TAFA1: variants seen among roughly 807,000 people sequenced by gnomAD.
TAFA1 encodes the protein TAFA chemokine like family member 1.
A neutral mutation model predicts 18.5 loss-of-function variants in TAFA1; 4 were observed. That is an observed-to-expected ratio of 0.22 (90% CI 0.11 to 0.49). TAFA1 has a LOEUF of 0.49. Ranked by LOEUF, TAFA1 falls within the 20% of genes least tolerant of loss-of-function variation. TAFA1 has a pLI of 0.98. For synonymous variants in TAFA1, 56 were observed against 55.2 expected (o/e 1.01, Z -0.06); for missense variants, 147 against 169.0 (o/e 0.87, Z 0.72).
At chr3:68,312,644 T>C (rs2068539613) in intron 2 of TAFA1, among the ~76,000 whole-genome samples, 1 of 152,190 alleles carries the variant, frequency 6.6e-6, no homozygotes, top group Non-Finnish European at 1.5e-5. Flanking sequence ...CATATCACTA[T>C]GAGCATTTTG....
chr3:68,380,117 A>G (rs879858835), intron 2 of TAFA1, among the ~76,000 whole-genome samples: 34 of 152,230 alleles, frequency 2.2e-4, no homozygotes, highest in Non-Finnish European at 4.0e-4. Flanking sequence ...TTATGGCTGC[A>G]TAGTATTCCA....
chr3:68,532,255 G>A (rs1237752804), intron 3 of TAFA1, among the ~76,000 whole-genome samples: 1 of 152,174 alleles, frequency 6.6e-6, no homozygotes, highest in Non-Finnish European at 1.5e-5. Context: ...AGGGGAGGTG[G>A]TGTCACTGGT....
rs534092799 is a variant in TAFA1 at position 68,541,751 on chromosome 3, A to G, written c.385-2735A>G. ...TTATTTTAAAAGTAACTTCAATATA[A>G]AGATAATCCAGGGAAAGGTTCCTGG... On this transcript the variant is annotated intron_variant, in intron 4 of 4. Transcript: ENST00000478136. 2.0e-3 allele frequency among the ~76,000 whole-genome samples: 301 copies of G among 152,280 alleles called. 3 individuals carry two copies. The highest frequency in any genetic ancestry group is 7.0e-3 in the African/African-American group (293 of 41,564).
chr3:68,426,609 A>G (rs2071059126), intron 3 of TAFA1, among the ~76,000 whole-genome samples: 1 of 151,900 alleles, frequency 6.6e-6, no homozygotes, highest in South Asian at 2.1e-4. Context: ...GGTAATATCC[A>G]GACTTAAGGA....
chr3:68,392,574 T>C (rs897852674), intron 2 of TAFA1, among the ~76,000 whole-genome samples: 6 of 152,092 alleles, frequency 3.9e-5, no homozygotes, highest in Non-Finnish European at 8.8e-5. Context: ...CTCAGCACCG[T>C]ATCGCACTTA....
intron 2 of TAFA1, among the ~76,000 whole-genome samples, chr3:68,053,358 G>A (rs1205805466): frequency 6.6e-6 from 1 of 152,042 alleles, no homozygotes; most frequent in African/African-American, 2.4e-5. Flanking sequence ...TAACAGATGT[G>A]ATAAAGACCT....
intron 2 of TAFA1, chr3:68,145,021 G>C (rs1356212438): frequency 5.6e-6 from 9 of 1,595,504 alleles, no homozygotes; most frequent in East Asian, 4.5e-5. Context: ...TGGCGGTGAT[G>C]GCAGAAAGCG....
At chr3:68,499,197 G>A (rs532213499) in intron 3 of TAFA1, among the ~76,000 whole-genome samples, 26 of 151,486 alleles carry the variant, frequency 1.7e-4, no homozygotes, top group African/African-American at 6.1e-4. Context: ...GTTTGTCAGG[G>A]ACAAACTAAT....
chr3:68,096,637 G>T (rs773275527), intron 2 of TAFA1, among the ~76,000 whole-genome samples: 3 of 152,112 alleles, frequency 2.0e-5, no homozygotes, highest in East Asian at 1.9e-4. Flanking sequence ...CAGACAGCTT[G>T]TATTCACAGC....
At position 68,468,748 on chromosome 3, in the gene TAFA1, G is replaced by A. The variant is rs184144539; in HGVS notation, c.259+51328G>A. ...ATAGTTGAGAGTTGGAAATATTGTT[G>A]AGATTTTTGAGATTTATGGGATTTT... is the stretch of plus-strand genomic sequence containing the variant. On this transcript the variant is annotated intron_variant, in intron 3 of 4. Coordinates refer to ENST00000478136, the MANE Select transcript of TAFA1 (RefSeq NM_213609.4). Among the ~76,000 whole-genome samples, 5 of 152,304 alleles carry A rather than the reference G, an allele frequency of 3.3e-5. No individual in the cohort carries two copies. The East Asian group carries it at 9.6e-4, about 29-fold the overall frequency.
chr3:68,385,368 G>T (rs978374779), intron 2 of TAFA1, among the ~76,000 whole-genome samples: 1 of 152,014 alleles, frequency 6.6e-6, no homozygotes, highest in African/African-American at 2.4e-5. Context: ...GCTAAACCAG[G>T]TTATTAGCAG....
At chr3:68,303,230 T>C (rs1398378929) in intron 2 of TAFA1, among the ~76,000 whole-genome samples, 1 of 152,214 alleles carries the variant, frequency 6.6e-6, no homozygotes. Context: ...ATTTGTCTTC[T>C]AGCAGGAGGC....
chr3:68,229,275 C>T (rs946014681), intron 2 of TAFA1, among the ~76,000 whole-genome samples: 3 of 152,150 alleles, frequency 2.0e-5, no homozygotes, highest in East Asian at 1.9e-4. Context: ...GTTTTTACAA[C>T]GTTCAAAAAT....
At chr3:68,219,350 C>T (rs1250893528) in intron 2 of TAFA1, among the ~76,000 whole-genome samples, 1 of 152,058 alleles carries the variant, frequency 6.6e-6, no homozygotes, top group Non-Finnish European at 1.5e-5. Context: ...CTAATATAGA[C>T]ATTATTGAAC....
intron 2 of TAFA1, among the ~76,000 whole-genome samples, chr3:68,339,258 C>A (rs1456520943): frequency 6.6e-6 from 1 of 152,146 alleles, no homozygotes; most frequent in African/African-American, 2.4e-5. Flanking sequence ...ATTAAAAGAA[C>A]TGAATTTTTC....
chr3:68,509,709 T>C (rs1195809872), intron 3 of TAFA1, among the ~76,000 whole-genome samples: 1 of 152,084 alleles, frequency 6.6e-6, no homozygotes, highest in East Asian at 1.9e-4. Flanking sequence ...GTAAAGGTAA[T>C]GTATTAGTTT....
At chr3:68,083,111 G>A (rs1350992572) in intron 2 of TAFA1, among the ~76,000 whole-genome samples, 1 of 152,112 alleles carries the variant, frequency 6.6e-6, no homozygotes, top group Non-Finnish European at 1.5e-5. Context: ...CCAGCATAAT[G>A]GAGCCCGAAA....
At chr3:68,364,087 TA>T (rs149323180) in intron 2 of TAFA1, among the ~76,000 whole-genome samples, 148 of 152,322 alleles carry the variant, frequency 9.7e-4, no homozygotes, top group African/African-American at 3.4e-3. Context: ...CTGAGAAATT[TA>T]CCCTCTGGGG....
At chr3:68,022,824 A>T (rs1704722024) in intron 2 of TAFA1, among the ~76,000 whole-genome samples, 1 of 48,490 alleles carries the variant, frequency 2.1e-5, no homozygotes, top group African/African-American at 8.7e-5. Context: ...TATATATATT[A>T]TATATAATAT....
Sources: allele counts gnomAD v4.1 joint callset (sites outside exome capture counted in the v4.1 genomes callset), GRCh38; gene constraint gnomAD v4.1.1; transcripts MANE v1.5; gene names NCBI Gene and HGNC (gene_info 2026-07-23, HGNC 2026-07-21).